Variants in SYT1 observed in about 807,000 individuals in gnomAD.
The protein encoded by SYT1 is synaptotagmin-1.
Under a neutral mutation model 44.8 loss-of-function variants are expected in SYT1, and 8 were observed. The observed-to-expected ratio is 0.18, with a 90% CI of 0.10 to 0.32. The LOEUF is 0.32. Among genes scored for constraint, SYT1 ranks in the 10% least tolerant of loss-of-function variants. SYT1 has a pLI of 1.00. For synonymous variants in SYT1, 154 were observed against 188.8 expected, an observed-to-expected ratio of 0.82 and a Z score of 1.51; for missense variants, 286 against 509.3, an observed-to-expected ratio of 0.56 and a Z score of 4.22.
chr12:78,920,449 A>G, intron 1 of SYT1, among the ~76,000 whole-genome samples: 1 of 152,008 alleles, frequency 6.6e-6, no homozygotes, highest in East Asian at 1.9e-4. Context: ...GGTTATTGGA[A>G]TGGCTTTAAC....
chr12:79,271,262 A>C (rs1304982942), intron 4 of SYT1, among the ~76,000 whole-genome samples: 1 of 152,160 alleles, frequency 6.6e-6, no homozygotes, highest in African/African-American at 2.4e-5. Flanking sequence ...TAAGTAAATA[A>C]TTTTTTAAAA....
chr12:79,107,396 A>C (rs1474237005), intron 3 of SYT1, among the ~76,000 whole-genome samples: 1 of 151,974 alleles, frequency 6.6e-6, no homozygotes, highest in Non-Finnish European at 1.5e-5. Context: ...ATGTAGTACA[A>C]TGATGCAACT....
chr12:79,255,028 T>C (rs1164481372), intron 4 of SYT1, among the ~76,000 whole-genome samples: 1 of 152,204 alleles, frequency 6.6e-6, no homozygotes. Flanking sequence ...TAAACTTATT[T>C]GATAAAGCAG....
chr12:78,988,380 T>C (rs1186580539), intron 2 of SYT1, among the ~76,000 whole-genome samples: 2 of 148,416 alleles, frequency 1.3e-5, no homozygotes, highest in African/African-American at 2.4e-5. Flanking sequence ...TCCAATATAA[T>C]GTAAGATATA....
intron 1 of SYT1, among the ~76,000 whole-genome samples, chr12:78,946,201 ATC>A (rs1179233188): frequency 6.6e-6 from 1 of 152,220 alleles, no homozygotes; most frequent in Non-Finnish European, 1.5e-5. Context: ...CCAAAAGATC[ATC>A]TCTTCCAATG....
At chr12:79,020,870 GTGA>G (rs1872148176) in intron 2 of SYT1, among the ~76,000 whole-genome samples, 1 of 151,912 alleles carries the variant, frequency 6.6e-6, no homozygotes, top group Non-Finnish European at 1.5e-5. Flanking sequence ...AAAACACAGT[GTGA>G]TGATGACTCC....
intron 8 of SYT1, among the ~76,000 whole-genome samples, chr12:79,347,034 GTTTT>G (rs1592987053): frequency 7.1e-6 from 1 of 141,084 alleles, no homozygotes; most frequent in African/African-American, 2.7e-5. Context: ...TTGTGTGTTT[GTTTT>G]TTCTTTTTTT....
At position 79,179,354 on chromosome 12, in the gene SYT1, CGATATAGATATAGATAT is replaced by C. The variant is rs1408134847; in HGVS notation, c.-17-38148_-17-38132del. Among the ~76,000 whole-genome samples, 65 of 61,028 alleles carry C rather than the reference CGATATAGATATAGATAT, an allele frequency of 1.1e-3. 5 individuals are homozygous for C. The highest frequency in any genetic ancestry group is 2.8e-3 in the East Asian group (5 of 1,780). 40.0% of individuals were successfully genotyped at this position (61,028 alleles called of 152,430 possible). On this transcript the variant is annotated intron_variant, in intron 3 of 10. Transcript: ENST00000261205. ...TATAGATATATCGATATGTCTATAT[CGATATAGATATAGATAT>C]AGATATAGATATATCGATATAGATA...
chr12:79,355,155 G>A (rs912585658), intron 9 of SYT1, among the ~76,000 whole-genome samples: 20 of 152,072 alleles, frequency 1.3e-4, no homozygotes, highest in African/African-American at 4.1e-4. Flanking sequence ...TCCCCTTCTC[G>A]TTCAGTGGCA....
At chr12:79,373,161 G>A (rs1435757589) in intron 9 of SYT1, among the ~76,000 whole-genome samples, 1 of 152,106 alleles carries the variant, frequency 6.6e-6, no homozygotes, top group Non-Finnish European at 1.5e-5. Context: ...TAAGCATTTT[G>A]TAAAAATGAA....
At chr12:79,078,837 T>C (rs1324680916) in intron 3 of SYT1, among the ~76,000 whole-genome samples, 1 of 152,032 alleles carries the variant, frequency 6.6e-6, no homozygotes, top group Non-Finnish European at 1.5e-5. Flanking sequence ...TGGTTTAGAG[T>C]TTCAAGAAGG....
rs1455791426 is a variant in SYT1 at position 79,027,439 on chromosome 12, G to A, written c.-83-19858G>A. ...AAACACTGTCTATCATATTAAGGAGGTGTCAAAAAATAAAATGTCAATGCA... is the reference window on the plus strand; with the variant it reads ...AAACACTGTCTATCATATTAAGGAGATGTCAAAAAATAAAATGTCAATGCA... On this transcript the variant is annotated intron_variant, in intron 2 of 10. Coordinates refer to ENST00000261205, the MANE Select transcript of SYT1 (RefSeq NM_005639.3). 2.6e-5 allele frequency among the ~76,000 whole-genome samples: 4 copies of A among 151,316 alleles called. No homozygotes were observed. In the South Asian group the frequency reaches 8.3e-4, roughly 31 times the overall value.
intron 4 of SYT1, among the ~76,000 whole-genome samples, chr12:79,265,988 A>G (rs1332022784): frequency 6.6e-6 from 1 of 152,226 alleles, no homozygotes; most frequent in African/African-American, 2.4e-5. Flanking sequence ...GAACACGTGC[A>G]TACGTTTTCT....
intron 3 of SYT1, among the ~76,000 whole-genome samples, chr12:79,193,227 A>AT (rs1873236306): frequency 6.6e-6 from 1 of 152,162 alleles, no homozygotes; most frequent in Non-Finnish European, 1.5e-5. Flanking sequence ...TTGAAGCCTT[A>AT]TTTTTTACAA....
rs1175102345 is a variant in SYT1, at chr12:79,451,911, C to CT, written c.*2790dup. 6.6e-6 allele frequency: 1 copy of CT among 152,158 alleles called. No individual in the cohort carries two copies. Among genetic ancestry groups the CT allele is most frequent in the Non-Finnish European group, 1.5e-5 (1 of 68,030 alleles). The allele number at this position is 152,158 out of a possible 1,614,324, so 9.4% of individuals were successfully genotyped here. On this transcript the variant is annotated 3_prime_UTR_variant, in exon 11 of 11. Coordinates refer to ENST00000261205, the MANE Select transcript of SYT1 (RefSeq NM_005639.3). The stretch of plus-strand genomic sequence containing the variant: ...ATGAGGTGATTTAAATTTTGTTTCA[C>CT]TTTGTGTAGTGAATTCCACAGTAGT...
intron 9 of SYT1, among the ~76,000 whole-genome samples, chr12:79,400,473 C>T (rs1885029868): frequency 6.6e-6 from 1 of 152,192 alleles, no homozygotes; most frequent in Admixed American, 6.5e-5. Context: ...CCATGAAATT[C>T]CCTGCTAATC....
intron 8 of SYT1, among the ~76,000 whole-genome samples, chr12:79,300,998 C>A (rs888632873): frequency 1.3e-5 from 2 of 150,416 alleles, no homozygotes; most frequent in East Asian, 3.9e-4. Flanking sequence ...CAGACATCTT[C>A]ATGAAAAAAA....
At chr12:79,132,095 G>GA (rs1293861775) in intron 3 of SYT1, among the ~76,000 whole-genome samples, 4 of 152,034 alleles carry the variant, frequency 2.6e-5, no homozygotes, top group Admixed American at 2.0e-4. Flanking sequence ...CAACTAAACA[G>GA]AAAAAATAAA....
chr12:79,399,289 A>AT (rs576684760), intron 9 of SYT1, among the ~76,000 whole-genome samples: 2,090 of 134,146 alleles, frequency 0.016, 26 homozygotes, highest in African/African-American at 0.042. Flanking sequence ...AGTAATTTGA[A>AT]TTTTTTTTTT....
Sources: allele counts gnomAD v4.1 joint callset (sites outside exome capture counted in the v4.1 genomes callset), GRCh38; gene constraint gnomAD v4.1.1; transcripts MANE v1.5; gene names NCBI Gene and HGNC (gene_info 2026-07-23, HGNC 2026-07-21).